Variants in ENTPD2 observed in about 807,000 individuals in gnomAD.
The protein encoded by ENTPD2 is CD39 antigen-like 1.
Under a neutral mutation model 46.8 loss-of-function variants are expected in ENTPD2, and 48 were observed. The observed-to-expected ratio is 1.03, with a 90% CI of 0.81 to 1.30. ENTPD2 has a LOEUF of 1.30. Ranked by LOEUF, ENTPD2 falls within the 50% of genes most tolerant of loss-of-function variation. The pLI, the probability that ENTPD2 is intolerant of heterozygous loss-of-function variation, is 0.00. For synonymous variants in ENTPD2, 316 were observed against 286.1 expected, an observed-to-expected ratio of 1.10 and a Z score of -1.06; for missense variants, 707 against 651.1, an observed-to-expected ratio of 1.09 and a Z score of -0.93.
Position 137,048,989 on chromosome 9 carries a change from G to C in ENTPD2, c.1236C>G (p.Gly412=), listed in dbSNP as rs1452780782. ...CGAAGGCGCGCTCGTCGAAGCCGTA[G>C]CCGCGACTCAGCAGCTGCTGCACGA... ...AMFVQQLLSR[G]YGFDERAFGG... is the part of the protein sequence containing the mutation. The change falls in exon 8 of 9, where the codon GGC becomes GGG. Residue 412 remains glycine (G), a synonymous_variant. Transcript: ENST00000355097. The C allele has an allele frequency of 1.3e-6, 2 of 1,537,032 alleles. No individual in the cohort carries two copies. Among genetic ancestry groups the C allele is most frequent in the Non-Finnish European group, 1.7e-6 (2 of 1,144,890 alleles).
In ENTPD2 at chr9:137,049,024, C is replaced by T. The variant is rs1407093280; in HGVS notation, c.1201G>A (p.Gly401Arg). The T allele has an allele frequency of 3.3e-6, 5 of 1,536,966 alleles. No individual in the cohort carries two copies. Among genetic ancestry groups the T allele is most frequent in the Non-Finnish European group, 4.4e-6 (5 of 1,145,560 alleles). Residue 401 changes from glycine (G) to arginine (R), a missense_variant, in exon 8 of 9, where the codon GGG becomes AGG. Physicochemically the swap from Gly to Arg is moderately radical, Grantham distance 125 (BLOSUM62 -2). Coordinates refer to ENST00000355097, the MANE Select transcript of ENTPD2 (RefSeq NM_203468.3). ...QRARLADYCAGAMFVQQLLSR... is the reference protein window; with the variant it reads ...QRARLADYCARAMFVQQLLSR... ...AGCAGCTGCTGCACGAACATGGCCC[C>T]GGCGCAGTAGTCGGCCAGGCGGGCC...
At position 137,050,396 on chromosome 9, in the gene ENTPD2, T is replaced by C. The variant is rs572638976; in HGVS notation, c.917A>G (p.Asp306Gly). ...SARVSLSGSSDPHLCRDLVSG... is the reference protein window; with the variant it reads ...SARVSLSGSSGPHLCRDLVSG... Reference sequence around the variant, plus strand: ...AACCAGATCTCGGCAGAGGTGGGGGTCACTGCTCCCTGACAGGCTGACCCT... The same window carrying C: ...AACCAGATCTCGGCAGAGGTGGGGGCCACTGCTCCCTGACAGGCTGACCCT... Residue 306 changes from aspartate to glycine, a missense_variant, in exon 6 of 9, where the codon GAC becomes GGC. Coordinates refer to ENST00000355097, the MANE Select transcript of ENTPD2 (RefSeq NM_203468.3). 6.2e-7 allele frequency: 1 copy of C among 1,612,664 alleles called. No homozygotes were observed. The highest frequency in any genetic ancestry group is 1.1e-5 in the South Asian group (1 of 91,068).
chr9:137,052,160 G>T, intron 2 of ENTPD2, 71 bp downstream of exon 2: 2 of 1,404,380 alleles, frequency 1.4e-6, no homozygotes, highest in Non-Finnish European at 1.0e-6. Context: ...ACCTGCACTG[G>T]CTAAGGCTGG....
chr9:137,049,159 C>CT, intron 7 of ENTPD2, 84 bp from the exon 8 acceptor site: 2 of 1,531,226 alleles, frequency 1.3e-6, no homozygotes, highest in Non-Finnish European at 1.7e-6. Flanking sequence ...CGGCGTGCTT[C>CT]ACCCCTCCCC....
Position 137,050,515 on chromosome 9 carries a change from C to A in ENTPD2, c.798G>T (p.Trp266Cys). 1 of 1,612,618 alleles carries A rather than the reference C, an allele frequency of 6.2e-7. No homozygotes were observed. The highest frequency in any genetic ancestry group is 8.5e-7 in the Non-Finnish European group (1 of 1,179,900). Residue 266 changes from tryptophan to cysteine, a missense_variant, in exon 6 of 9, where the codon TGG becomes TGT. Coordinates refer to ENST00000355097, the MANE Select transcript of ENTPD2 (RefSeq NM_203468.3). The part of the protein sequence containing the change: ...ALQTHGFHPC[W>C]PRGFSTQVLL... ...GCACTTGGGTGGAAAAGCCCCTCGG[C>A]CAGCAGGGGTGGAAGCCGTGGGTCT...
chr9:137,048,576 C>T lies in ENTPD2; in HGVS notation c.*81G>A. ...GGTGGGGATACAGGGGTGGGAGGTA[C>T]AGGGGTTGTGGGAGGGGTGGGAGTA... On this transcript the variant is annotated 3_prime_UTR_variant, in exon 9 of 9. Transcript: ENST00000355097. 1 of 1,105,814 alleles carries T rather than the reference C, an allele frequency of 9.0e-7. No homozygotes were observed. Among genetic ancestry groups the T allele is most frequent in the Non-Finnish European group, 1.2e-6 (1 of 854,332 alleles). The allele number at this position is 1,105,814 out of a possible 1,614,324, so 68.5% of individuals were successfully genotyped here.
Position 137,050,470 on chromosome 9 carries a change from C to T in ENTPD2, c.843G>A (p.Gln281=), listed in dbSNP as rs745407606. The change falls in exon 6 of 9, where the codon CAG becomes CAA. Residue 281 remains glutamine (Q), a synonymous_variant. Coordinates refer to ENST00000355097, the MANE Select transcript of ENTPD2 (RefSeq NM_203468.3). ...GCCGCTGGGCCATGGTGCATGGTGA[C>T]TGGTACACATCCCCGAGCAGCACTT... is the stretch of plus-strand genomic sequence containing the variant. The part of the protein sequence containing the change: ...STQVLLGDVY[Q]SPCTMAQRPQ... The T allele has an allele frequency of 6.2e-7, 1 of 1,612,854 alleles. No homozygotes were observed. Among genetic ancestry groups the T allele is most frequent in the Admixed American group, 1.7e-5 (1 of 60,028 alleles).
At chr9:137,052,795 G>C (rs538602206) in intron 1 of ENTPD2, 1 of 153,466 alleles carries the variant, frequency 6.5e-6, no homozygotes, top group Non-Finnish European at 1.4e-5. Context: ...CTCCTCTGAC[G>C]GCAGCCCAAC....
chr9:137,053,833 G>T, intron 1 of ENTPD2, 48 bp downstream of exon 1: 4 of 1,178,838 alleles, frequency 3.4e-6, no homozygotes, highest in East Asian at 3.3e-5. Flanking sequence ...CCGGCTCCAA[G>T]CCCGGCCCGC....
Position 137,051,709 on chromosome 9 carries a change from G to A in ENTPD2, c.236-49C>T, listed in dbSNP as rs201512635. On this transcript the variant is annotated intron_variant, in intron 2 of 8. Coordinates refer to ENST00000355097, the MANE Select transcript of ENTPD2 (RefSeq NM_203468.3). ...CCTATGCCTCACGGGCAGCCCCTAG[G>A]TGGGCCGTAGGCCAGGAGAGTGAGG... 34 of 1,550,552 alleles carry A rather than the reference G, an allele frequency of 2.2e-5. No individual in the cohort carries two copies. The East Asian group carries it at 7.1e-4, about 32-fold the overall frequency.
chr9:137,053,821 C>T (rs553838974), intron 1 of ENTPD2, 60 bp downstream of exon 1: 34 of 1,123,564 alleles, frequency 3.0e-5, no homozygotes, highest in Admixed American at 2.2e-4. Flanking sequence ...CGCACCCCCT[C>T]CCCGGCTCCA....
At chr9:137,053,780 G>T in intron 1 of ENTPD2, 101 bp downstream of exon 1, 3 of 770,612 alleles carry the variant, frequency 3.9e-6, no homozygotes, top group Non-Finnish European at 5.2e-6. Flanking sequence ...CACGGTGGGG[G>T]TCCCGGGCTG....
chr9:137,051,010 G>A lies in ENTPD2; in HGVS notation c.666C>T (p.Ser222=), dbSNP rs757106831. The change falls in exon 5 of 9, where the codon AGC becomes AGT. Residue 222 remains serine, a synonymous_variant. Coordinates refer to ENST00000355097, the MANE Select transcript of ENTPD2 (RefSeq NM_203468.3). The part of the protein sequence containing the change: ...ETTSPAEDRA[S]EVQLHLYGQH... Reference sequence around the variant, plus strand: ...GGCCGTAGAGATGCAGCTGGACCTCGCTGGCTCTGTCCTCAGCTGGACTGG... The same window carrying A: ...GGCCGTAGAGATGCAGCTGGACCTCACTGGCTCTGTCCTCAGCTGGACTGG... 9 of 1,612,768 alleles carry A rather than the reference G, an allele frequency of 5.6e-6. No homozygotes were observed. In the Admixed American group the frequency reaches 8.3e-5, roughly 15 times the overall value.
At position 137,051,284 on chromosome 9, in the gene ENTPD2, C is replaced by T. The variant is rs139027787; in HGVS notation, c.473G>A (p.Arg158His). ...TQYPFDFRGA[R>H]ILSGQEEGVF... ...CCCCTCTTCCTGGCCCGAGAGGATG[C>T]GTGCACCCCGGAAGTCAAAGGGGTA... The change falls in exon 4 of 9, where the codon CGC (arginine) becomes CAC (histidine). Residue 158 changes from arginine (R) to histidine (H), a missense_variant. Physicochemically the swap from Arg to His is conservative, Grantham distance 29. Transcript: ENST00000355097. 17 of 1,610,896 alleles carry T rather than the reference C, an allele frequency of 1.1e-5. No individual in the cohort carries two copies. The Admixed American group carries it at 1.3e-4, about 13-fold the overall frequency.
Position 137,054,001 on chromosome 9 carries a change from C to A in ENTPD2, c.-4G>T. 4 of 1,200,658 alleles carry A rather than the reference C, an allele frequency of 3.3e-6. No individual in the cohort carries two copies. Among genetic ancestry groups the A allele is most frequent in the Non-Finnish European group, 4.1e-6 (4 of 965,204 alleles). The allele number at this position is 1,200,658 out of a possible 1,614,324, so 74.4% of individuals were successfully genotyped here. On this transcript the variant is annotated 5_prime_UTR_variant, in exon 1 of 9. Transcript: ENST00000355097. ...GTGACCGCACCTTCCCGGCCATGGG[C>A]GGGCGGGCGCGCGGGAGGACGATGC...
chr9:137,048,990 C>G lies in ENTPD2; in HGVS notation c.1235G>C (p.Gly412Ala). 2.0e-6 allele frequency: 3 copies of G among 1,537,174 alleles called. No individual in the cohort carries two copies. The highest frequency in any genetic ancestry group is 2.6e-6 in the Non-Finnish European group (3 of 1,144,890). The change falls in exon 8 of 9, where the codon GGC (glycine) becomes GCC (alanine). Residue 412 changes from glycine to alanine, a missense_variant. Gly to Ala is a moderately conservative substitution (Grantham distance 60). Transcript: ENST00000355097. ...AMFVQQLLSR[G>A]YGFDERAFGG... ...GAAGGCGCGCTCGTCGAAGCCGTAG[C>G]CGCGACTCAGCAGCTGCTGCACGAA...
At chr9:137,049,733 G>C in intron 7 of ENTPD2, 137 bp downstream of exon 7, 2 of 1,029,392 alleles carry the variant, frequency 1.9e-6, no homozygotes, top group South Asian at 1.7e-5. Context: ...GCCACCTCTG[G>C]AGTCAGCCTA....
At position 137,048,661 on chromosome 9, in the gene ENTPD2, A is replaced by G. The variant is rs544581062; in HGVS notation, c.1484T>C (p.Ile495Thr). Residue 495 changes from isoleucine to threonine, a missense_variant, in exon 9 of 9, where the codon ATT becomes ACT. By Grantham distance (89) the Ile-to-Thr change is moderately conservative. Transcript: ENST00000355097. ...GGCAGCTGCCCCCGTCGGCCCCTAA[A>G]TGGTGCTTGGCAGCTTGGCGGAGTG... is the stretch of plus-strand genomic sequence containing the variant. ...QVHSAKLPST[I>T] 5.7e-6 allele frequency: 9 copies of G among 1,590,188 alleles called. No homozygotes were observed. Among genetic ancestry groups the G allele is most frequent in the African/African-American group, 1.3e-5 (1 of 74,560 alleles).
chr9:137,053,784 C>A, intron 1 of ENTPD2, 97 bp downstream of exon 1: 1 of 824,792 alleles, frequency 1.2e-6, no homozygotes, highest in Non-Finnish European at 1.6e-6. Flanking sequence ...GTGGGGGTCC[C>A]GGGCTGATCC....
Sources: gnomAD v4.1 joint callset for allele counts on GRCh38, gnomAD v4.1.1 for gene constraint, MANE v1.5 for transcripts, NCBI Gene and HGNC (gene_info 2026-07-23, HGNC 2026-07-21) for gene names.